The following TESK2 variants were observed in gnomAD, a reference collection of about 807,000 sequenced individuals.
The protein encoded by TESK2 is dual specificity testis-specific protein kinase 2.
In TESK2, 39 loss-of-function variants were observed where a neutral mutation model predicts 57.1. That is an observed-to-expected ratio of 0.68 (90% confidence interval 0.53 to 0.89). TESK2 has a LOEUF of 0.89. TESK2 is among the 40% of genes least tolerant of loss of function. The probability of loss-of-function intolerance (pLI) is 0.00; values close to 1 mark genes in which losing one functional copy is unlikely to be tolerated. For missense variants in TESK2, 646 were observed against 732.1 expected (o/e 0.88, Z 1.36); for synonymous variants, 249 against 267.9 (o/e 0.93, Z 0.69).
chr1:45,346,746 T>C lies in TESK2; in HGVS notation c.826A>G (p.Met276Val), dbSNP rs777004858. 2 of 1,613,980 alleles carry C rather than the reference T, an allele frequency of 1.2e-6. No homozygotes were observed. The highest frequency in any genetic ancestry group is 2.7e-5 in the African/African-American group (2 of 74,926). ...AAATCTGGGGGACAGTCTCCCACCATGTGCTGGAAAGCATCATAGTCCAGC... is the reference window on the plus strand; with the variant it reads ...AAATCTGGGGGACAGTCTCCCACCACGTGCTGGAAAGCATCATAGTCCAGC... ...FGLDYDAFQH[M>V]VGDCPPDFLQ... Residue 276 changes from methionine (M) to valine (V), a missense_variant, in exon 9 of 11, where the codon ATG becomes GTG. Met to Val is a conservative substitution (Grantham distance 21). Transcript: ENST00000372086.
At chr1:45,359,432 T>C (rs1167512103) in intron 4 of TESK2, among the ~76,000 whole-genome samples, 7 of 150,872 alleles carry the variant, frequency 4.6e-5, no homozygotes, top group Non-Finnish European at 7.4e-5. Context: ...TGGTGGTGGG[T>C]GCCTGTAATC....
At chr1:45,452,828 G>C (rs541028275) in intron 2 of TESK2, among the ~76,000 whole-genome samples, 1 of 152,064 alleles carries the variant, frequency 6.6e-6, no homozygotes, top group Non-Finnish European at 1.5e-5. Flanking sequence ...GAAGCAGGAG[G>C]ATCATTTGAG....
intron 3 of TESK2, among the ~76,000 whole-genome samples, chr1:45,420,839 C>T (rs756489818): frequency 7.6e-4 from 116 of 152,024 alleles, no homozygotes; most frequent in African/African-American, 2.7e-3. Flanking sequence ...CCGCCTGCCT[C>T]GGCCTCCCAA....
At chr1:45,352,690 T>C (rs1647264141) in intron 5 of TESK2, among the ~76,000 whole-genome samples, 1 of 152,210 alleles carries the variant, frequency 6.6e-6, no homozygotes, top group Non-Finnish European at 1.5e-5. Context: ...GTTCCTCTTT[T>C]CTAATATTCC....
chr1:45,371,754 GC>G (rs1648194963), intron 4 of TESK2, among the ~76,000 whole-genome samples: 1 of 152,094 alleles, frequency 6.6e-6, no homozygotes, highest in African/African-American at 2.4e-5. Flanking sequence ...TGTAGTCCCA[GC>G]TACTTGGGAG....
intron 2 of TESK2, among the ~76,000 whole-genome samples, chr1:45,453,230 C>T (rs778493196): frequency 1.3e-5 from 2 of 151,202 alleles, no homozygotes; most frequent in Non-Finnish European, 2.9e-5. Context: ...GTCTGTAGTC[C>T]CAGCTACTCG....
At chr1:45,394,015 C>G (rs1316992013) in intron 3 of TESK2, among the ~76,000 whole-genome samples, 2 of 152,140 alleles carry the variant, frequency 1.3e-5, no homozygotes, top group Non-Finnish European at 2.9e-5. Flanking sequence ...CACCCCAAAT[C>G]ATACCAGCTA....
chr1:45,443,803 C>T (rs1296055404), intron 2 of TESK2, among the ~76,000 whole-genome samples: 9 of 152,054 alleles, frequency 5.9e-5, no homozygotes, highest in Admixed American at 5.9e-4. Flanking sequence ...AAAGATAAAA[C>T]TAAACATCAC....
chr1:45,439,676 T>C (rs1229700172), intron 2 of TESK2, among the ~76,000 whole-genome samples: 3 of 152,128 alleles, frequency 2.0e-5, no homozygotes, highest in Non-Finnish European at 4.4e-5. Context: ...CAAACCCAGC[T>C]AGGCATGGTA....
intron 4 of TESK2, among the ~76,000 whole-genome samples, chr1:45,376,121 G>A (rs1174800711): frequency 6.6e-6 from 1 of 151,202 alleles, no homozygotes; most frequent in Non-Finnish European, 1.5e-5. Context: ...ATGTCAAACT[G>A]TATTTGTAGA....
intron 4 of TESK2, among the ~76,000 whole-genome samples, chr1:45,370,100 T>C (rs995241477): frequency 2.0e-5 from 3 of 152,148 alleles, no homozygotes; most frequent in African/African-American, 4.8e-5. Context: ...ACACAGACCA[T>C]GTTCAGTAAA....
At chr1:45,376,325 C>T (rs1234418167) in intron 4 of TESK2, among the ~76,000 whole-genome samples, 1 of 149,024 alleles carries the variant, frequency 6.7e-6, no homozygotes, top group Non-Finnish European at 1.5e-5. Flanking sequence ...AAGCAATTCT[C>T]CTGCCTCAGC....
chr1:45,480,974 T>C (rs1653193398), intron 1 of TESK2, among the ~76,000 whole-genome samples: 1 of 149,226 alleles, frequency 6.7e-6, no homozygotes, highest in Non-Finnish European at 1.5e-5. Flanking sequence ...GGTGATGAAG[T>C]GAGATTCTGT....
intron 4 of TESK2, among the ~76,000 whole-genome samples, chr1:45,380,161 A>C (rs1164900905): frequency 1.3e-5 from 2 of 152,106 alleles, no homozygotes; most frequent in Non-Finnish European, 2.9e-5. Flanking sequence ...CGGCCTCCCA[A>C]AGTGTTGGGA....
At chr1:45,394,323 CTTT>C (rs35459050) in intron 3 of TESK2, among the ~76,000 whole-genome samples, 3 of 115,130 alleles carry the variant, frequency 2.6e-5, no homozygotes, top group African/African-American at 3.5e-5. Flanking sequence ...CCACAGCTGG[CTTT>C]TTTTTTTTTT....
chr1:45,412,538 T>C (rs968500900), intron 3 of TESK2, among the ~76,000 whole-genome samples: 4 of 152,176 alleles, frequency 2.6e-5, no homozygotes, highest in Non-Finnish European at 4.4e-5. Flanking sequence ...GGAGACTCTC[T>C]GGGAGACAAG....
chr1:45,427,086 T>C (rs981989266), intron 2 of TESK2, among the ~76,000 whole-genome samples: 4 of 151,778 alleles, frequency 2.6e-5, no homozygotes, highest in African/African-American at 9.7e-5. Context: ...CCACTAAAAA[T>C]ACAAAAATTA....
intron 2 of TESK2, among the ~76,000 whole-genome samples, chr1:45,438,665 G>T (rs1651321440): frequency 6.6e-6 from 1 of 152,122 alleles, no homozygotes; most frequent in Non-Finnish European, 1.5e-5. Context: ...GTACCCATTA[G>T]TTATTTTCCC....
At chr1:45,448,770 A>C (rs1036387784) in intron 2 of TESK2, among the ~76,000 whole-genome samples, 1 of 152,218 alleles carries the variant, frequency 6.6e-6, no homozygotes, top group Non-Finnish European at 1.5e-5. Flanking sequence ...TTTGGAGGGA[A>C]CAAACATCCA....
Sources: gnomAD v4.1 joint callset for allele counts (sites outside exome capture counted in the v4.1 genomes callset) on GRCh38, gnomAD v4.1.1 for gene constraint, MANE v1.5 for transcripts, NCBI Gene and HGNC (gene_info 2026-07-23, HGNC 2026-07-21) for gene names.